The following ULK4 variants were observed in gnomAD, a reference collection of about 807,000 sequenced individuals.
ULK4 encodes the protein inactive serine/threonine-protein kinase ULK4.
ULK4 carries 133 observed loss-of-function variants against 160.6 expected under a neutral mutation model. The ratio of observed to expected loss-of-function variants is 0.83; its 90% CI spans 0.72 to 0.96. The LOEUF (loss-of-function observed/expected upper bound fraction) is 0.96, where lower values mean the gene tolerates loss of function less well. ULK4 is among the 40% of genes least tolerant of loss of function. The pLI is 0.00. For synonymous variants in ULK4, 534 were observed against 539.8 expected, an observed-to-expected ratio of 0.99 and a Z score of 0.15; for missense variants, 1,580 against 1,499.5, an observed-to-expected ratio of 1.05 and a Z score of -0.89.
At chr3:41,356,115 T>G (rs138020595) in intron 35 of ULK4, among the ~76,000 whole-genome samples, 1 of 152,290 alleles carries the variant, frequency 6.6e-6, no homozygotes, top group Non-Finnish European at 1.5e-5. Flanking sequence ...TTAAATTTGT[T>G]TCCATATTTG....
At chr3:41,537,686 T>C (rs528889322) in intron 32 of ULK4, among the ~76,000 whole-genome samples, 30 of 152,304 alleles carry the variant, frequency 2.0e-4, no homozygotes, top group African/African-American at 7.0e-4. Flanking sequence ...TAAAATATCA[T>C]TGGGATCAAT....
intron 31 of ULK4, among the ~76,000 whole-genome samples, chr3:41,600,906 CAG>C (rs1325910385): frequency 1.3e-5 from 2 of 152,172 alleles, no homozygotes; most frequent in Non-Finnish European, 2.9e-5. Flanking sequence ...CCCAAGGAAA[CAG>C]AGGTAGCTCT....
Position 41,850,273 on chromosome 3 carries a change from C to T in ULK4, c.1657-14302G>A, listed in dbSNP as rs370179569. Among the ~76,000 whole-genome samples, 18 of 152,320 alleles carry T rather than the reference C, an allele frequency of 1.2e-4. No homozygotes were observed. The East Asian group carries it at 1.9e-3, about 16-fold the overall frequency. ...TGTGAATAGTGCTGCAATAAACATA[C>T]GTGTGCATGTGTCTTTATAGCAGCA... On this transcript the variant is annotated intron_variant, in intron 17 of 36. Coordinates refer to ENST00000301831, the MANE Select transcript of ULK4 (RefSeq NM_017886.4).
intron 17 of ULK4, among the ~76,000 whole-genome samples, chr3:41,865,228 G>A (rs988779515): frequency 5.9e-5 from 7 of 119,150 alleles, no homozygotes; most frequent in African/African-American, 1.3e-4. Flanking sequence ...AACCGATCAC[G>A]CCACTGCACT....
chr3:41,646,610 A>C (rs981831166), intron 30 of ULK4, among the ~76,000 whole-genome samples: 19 of 152,208 alleles, frequency 1.2e-4, no homozygotes, highest in Admixed American at 2.6e-4. Flanking sequence ...ACCTTTCTCT[A>C]TGGCTGCCCT....
chr3:41,770,510 CTTTTT>C (rs560284136), intron 21 of ULK4, among the ~76,000 whole-genome samples: 2 of 135,534 alleles, frequency 1.5e-5, no homozygotes, highest in African/African-American at 2.8e-5. Flanking sequence ...TAGAAAGATA[CTTTTT>C]TTTTTTTTTT....
chr3:41,933,780 T>G (rs1040716816), intron 4 of ULK4, among the ~76,000 whole-genome samples: 1 of 152,068 alleles, frequency 6.6e-6, no homozygotes, highest in Non-Finnish European at 1.5e-5. Flanking sequence ...CCAGGCATGG[T>G]GGCTCACGCC....
chr3:41,490,552 A>T (rs1475936122), intron 32 of ULK4, among the ~76,000 whole-genome samples: 1 of 152,144 alleles, frequency 6.6e-6, no homozygotes, highest in African/African-American at 2.4e-5. Context: ...CATACCATTC[A>T]ATTTTGCAAT....
Position 41,919,339 on chromosome 3 carries a change from T to G in ULK4, c.643+378A>C, listed in dbSNP as rs1414562627. 3.3e-5 allele frequency among the ~76,000 whole-genome samples: 5 copies of G among 152,288 alleles called. No individual in the cohort carries two copies. The East Asian group carries it at 7.7e-4, about 24-fold the overall frequency. ...TTTTTTGGCCAGGCACAGTGGCTCA[T>G]GCCTATAATCCCAGAGCTTTGGGAG... On this transcript the variant is annotated intron_variant, in intron 6 of 36. Transcript: ENST00000301831.
At chr3:41,531,752 G>C (rs1447918460) in intron 32 of ULK4, among the ~76,000 whole-genome samples, 1 of 152,106 alleles carries the variant, frequency 6.6e-6, no homozygotes, top group African/African-American at 2.4e-5. Context: ...AAATAGAGTA[G>C]AAATTACAGA....
Position 41,663,594 on chromosome 3 carries a change from G to T in ULK4, c.3071+13C>A, listed in dbSNP as rs2035255063. Reference sequence around the variant, plus strand: ...GGTGAGACACAAGAAAAAGAAATTTGAACTTCCAGTACCTTGTGAAAGTTG... The same window carrying T: ...GGTGAGACACAAGAAAAAGAAATTTTAACTTCCAGTACCTTGTGAAAGTTG... On this transcript the variant is annotated intron_variant, in intron 30 of 36. Transcript: ENST00000301831. 1 of 1,607,656 alleles carries T rather than the reference G, an allele frequency of 6.2e-7. No homozygotes were observed. The highest frequency in any genetic ancestry group is 1.1e-5 in the South Asian group (1 of 90,718).
At chr3:41,790,610 A>G (rs2040122201) in intron 20 of ULK4, among the ~76,000 whole-genome samples, 2 of 152,234 alleles carry the variant, frequency 1.3e-5, no homozygotes, top group East Asian at 1.9e-4. Context: ...TGAGTTAAGA[A>G]AAGATTCAAA....
intron 5 of ULK4, among the ~76,000 whole-genome samples, chr3:41,925,727 T>C (rs1699362117): frequency 6.6e-6 from 1 of 151,912 alleles, no homozygotes; most frequent in African/African-American, 2.4e-5. Flanking sequence ...GGGAGGGGCA[T>C]CCACCATTGC....
intron 1 of ULK4, 39 bp from the exon 2 acceptor site, chr3:41,954,846 T>A (rs1700430689): frequency 3.8e-6 from 5 of 1,299,340 alleles, no homozygotes; most frequent in Non-Finnish European, 5.3e-6. Context: ...AAATGCAAGT[T>A]AGTTGCATAA....
chr3:41,624,982 T>C (rs2033432234), intron 30 of ULK4, among the ~76,000 whole-genome samples: 1 of 152,210 alleles, frequency 6.6e-6, no homozygotes, highest in African/African-American at 2.4e-5. Context: ...AAAATTTCTG[T>C]ATTGTTTTCT....
intron 17 of ULK4, among the ~76,000 whole-genome samples, chr3:41,848,186 C>T (rs374966211): frequency 2.2e-4 from 34 of 152,282 alleles, no homozygotes; most frequent in Middle Eastern, 3.4e-3. Flanking sequence ...TAAATGTAAA[C>T]AAACAACCTG....
intron 23 of ULK4, among the ~76,000 whole-genome samples, chr3:41,716,929 C>A (rs2037286937): frequency 6.6e-6 from 1 of 152,100 alleles, no homozygotes; most frequent in South Asian, 2.1e-4. Flanking sequence ...TCCTTAATAT[C>A]ACATTTTAAT....
intron 18 of ULK4, among the ~76,000 whole-genome samples, chr3:41,823,798 G>A (rs139068612): frequency 1.2e-3 from 179 of 152,188 alleles, no homozygotes; most frequent in Non-Finnish European, 2.1e-3. Context: ...TTGCTATCAC[G>A]AGATGTAGTT....
intron 32 of ULK4, among the ~76,000 whole-genome samples, chr3:41,556,805 A>G (rs1013599682): frequency 3.3e-4 from 50 of 152,130 alleles, no homozygotes; most frequent in Admixed American, 3.1e-3. Flanking sequence ...TAAGGAGTAG[A>G]TAATTCCAAT....
Sources: allele counts gnomAD v4.1 joint callset (sites outside exome capture counted in the v4.1 genomes callset), GRCh38; gene constraint gnomAD v4.1.1; transcripts MANE v1.5; gene names NCBI Gene and HGNC (gene_info 2026-07-23, HGNC 2026-07-21).